The following LRRC27 variants were observed in gnomAD, a reference collection of about 807,000 sequenced individuals.
LRRC27 encodes leucine rich repeat containing 27.
In LRRC27, 57 loss-of-function variants were observed where a neutral mutation model predicts 55.0. The observed-to-expected ratio is 1.04, with a 90% CI of 0.84 to 1.29. The LOEUF is 1.29. Ranked by LOEUF, LRRC27 falls within the 50% of genes most tolerant of loss-of-function variation. The pLI, the probability that LRRC27 is intolerant of heterozygous loss-of-function variation, is 0.00. For missense variants in LRRC27, 721 were observed against 651.5 expected (o/e 1.11, Z -1.16); for synonymous variants, 278 against 251.9 (o/e 1.10, Z -0.98).
In LRRC27 at chr10:132,332,726, T is replaced by C. The variant is rs138737697; in HGVS notation, c.-49+470T>C. Reference sequence around the variant, plus strand: ...AACCCTGCTGGGTCCCGGTGTCGCCTCTACCCCCCAATTAACTGCGCCCCT... The same window carrying C: ...AACCCTGCTGGGTCCCGGTGTCGCCCCTACCCCCCAATTAACTGCGCCCCT... On this transcript the variant is annotated intron_variant, in intron 1 of 10. Transcript: ENST00000368614. Among the ~76,000 whole-genome samples the C allele has an allele frequency of 4.9e-3, 740 of 149,756 alleles. 6 individuals carry two copies. Among genetic ancestry groups the C allele is most frequent in the African/African-American group, 0.017 (712 of 40,944 alleles).
intron 9 of LRRC27, among the ~76,000 whole-genome samples, chr10:132,364,524 T>C (rs113341700): frequency 0.089 from 1,295 of 14,518 alleles, 91 homozygotes; most frequent in Middle Eastern, 0.19. Context: ...CACTCGCACT[T>C]ACACCCACAC....
chr10:132,341,265 G>A (rs1001258261), intron 3 of LRRC27, among the ~76,000 whole-genome samples: 2 of 151,500 alleles, frequency 1.3e-5, no homozygotes, highest in Non-Finnish European at 2.9e-5. Context: ...AGCTACCTGC[G>A]GGGACTGAGG....
chr10:132,351,673 A>C lies in LRRC27; in HGVS notation c.993A>C (p.Arg331=). The change falls in exon 7 of 11, where the codon CGA becomes CGC. Residue 331 remains arginine (R), a synonymous_variant. Coordinates refer to ENST00000368614, the MANE Select transcript of LRRC27 (RefSeq NM_030626.3). Reference sequence around the variant, plus strand: ...TGTCACCGTACCAAATGGCGATCCGAGCAAAAAGACTGGAAGAGAGCCGAG... The same window carrying C: ...TGTCACCGTACCAAATGGCGATCCGCGCAAAAAGACTGGAAGAGAGCCGAG... ...DLLSPYQMAI[R]AKRLEESRAA... is the part of the protein sequence containing the mutation. The C allele has an allele frequency of 6.2e-7, 1 of 1,614,014 alleles. No homozygotes were observed. The highest frequency in any genetic ancestry group is 8.5e-7 in the Non-Finnish European group (1 of 1,180,014).
chr10:132,352,517 G>GT (rs1170253699), intron 7 of LRRC27, among the ~76,000 whole-genome samples: 37 of 69,662 alleles, frequency 5.3e-4, no homozygotes, highest in South Asian at 1.4e-3. Context: ...GGCAGGCGCA[G>GT]GTGCAGCGCT....
intron 2 of LRRC27, chr10:132,337,303 C>T (rs1368563243): frequency 1.6e-6 from 2 of 1,279,088 alleles, no homozygotes; most frequent in Non-Finnish European, 2.0e-6. Context: ...CAGTGGTGTG[C>T]TGGGTCAGCA....
At chr10:132,359,945 T>C (rs2068531239) in intron 8 of LRRC27, among the ~76,000 whole-genome samples, 1 of 152,232 alleles carries the variant, frequency 6.6e-6, no homozygotes, top group Admixed American at 6.5e-5. Flanking sequence ...GGTTCTTTGC[T>C]TGCTCACTCA....
Position 132,337,567 on chromosome 10 carries a change from A to G in LRRC27, c.213A>G (p.Gln71=). The G allele has an allele frequency of 1.2e-6, 2 of 1,612,386 alleles. No homozygotes were observed. The highest frequency in any genetic ancestry group is 1.3e-5 in the African/African-American group (1 of 74,960). ...EEVFRIPSLQ[Q]LHLQRNALCV... is the part of the protein sequence containing the mutation. Reference sequence around the variant, plus strand: ...TCTGATTCTCTTTTCCATGGAAGCAATTGCATCTGCAAAGGAATGCCCTGT... The same window carrying G: ...TCTGATTCTCTTTTCCATGGAAGCAGTTGCATCTGCAAAGGAATGCCCTGT... Residue 71 remains glutamine (Q), a splice_region_variant and synonymous_variant, in exon 3 of 11, where the codon CAA becomes CAG. Transcript: ENST00000368614.
chr10:132,353,092 T>G, intron 7 of LRRC27: 6 of 1,509,410 alleles, frequency 4.0e-6, no homozygotes, highest in Non-Finnish European at 5.3e-6. Context: ...CCGGCTGGCA[T>G]GGACCACAGC....
Position 132,355,859 on chromosome 10 carries a change from C to A in LRRC27, c.1143C>A (p.Ser381Arg). 1 of 1,557,336 alleles carries A rather than the reference C, an allele frequency of 6.4e-7. No homozygotes were observed. Among genetic ancestry groups the A allele is most frequent in the Non-Finnish European group, 8.7e-7 (1 of 1,150,348 alleles). ...QRMRKRKEEL[S>R]KLLPPRRSMV... The stretch of plus-strand genomic sequence containing the variant: ...TGAGGAAGAGGAAGGAAGAGCTCAG[C>A]AAACTCCTGCCTCCGCGGAGGAGCA... The change falls in exon 8 of 11, where the codon AGC (serine) becomes AGA (arginine). Residue 381 changes from serine (S) to arginine (R), a missense_variant. By Grantham distance (110) the Ser-to-Arg change is moderately radical (BLOSUM62 -1). Coordinates refer to ENST00000368614, the MANE Select transcript of LRRC27 (RefSeq NM_030626.3).
At chr10:132,340,763 A>G (rs2067372759) in intron 3 of LRRC27, among the ~76,000 whole-genome samples, 1 of 151,782 alleles carries the variant, frequency 6.6e-6, no homozygotes. Context: ...CAGGAGTTCG[A>G]GACCAGCCTG....
Position 132,348,592 on chromosome 10 carries a change from G to A in LRRC27, c.926+236G>A, listed in dbSNP as rs1323356223. ...CTGAGTTTGCCAAGGTTGAGGATAC[G>A]CCCGGGGAAAAGAGACATAAGCGAC... On this transcript the variant is annotated intron_variant, in intron 6 of 10. Coordinates refer to ENST00000368614, the MANE Select transcript of LRRC27 (RefSeq NM_030626.3). The surrounding 1 kb of genome is among the most constrained non-coding windows in gnomAD (Gnocchi z 4.2). 1.3e-5 allele frequency among the ~76,000 whole-genome samples: 2 copies of A among 152,176 alleles called. No individual in the cohort carries two copies. Among genetic ancestry groups the A allele is most frequent in the Admixed American group, 6.5e-5 (1 of 15,280 alleles).
chr10:132,360,010 A>T (rs987252455), intron 8 of LRRC27, among the ~76,000 whole-genome samples: 29 of 152,212 alleles, frequency 1.9e-4, no homozygotes, highest in Non-Finnish European at 4.4e-5. Context: ...TGGGAGTAAA[A>T]TGTGGATGGG....
In LRRC27 at chr10:132,374,920, C is replaced by T. The variant is rs992572951; in HGVS notation, c.1417-146C>T. On this transcript the variant is annotated intron_variant, in intron 10 of 10. Coordinates refer to ENST00000368614, the MANE Select transcript of LRRC27 (RefSeq NM_030626.3). This position sits in a 1 kb window ranked among gnomAD's most constrained non-coding sequence, Gnocchi z 4.4. ...TTGCAGGGGGGACCGCGCCGTGATG[C>T]GGCTTGCAGGGGCCCCGGGGCAGCG... 3.2e-5 allele frequency: 26 copies of T among 805,268 alleles called. No homozygotes were observed. The highest frequency in any genetic ancestry group is 5.8e-5 in the Admixed American group (2 of 34,638). 49.9% of individuals were successfully genotyped at this position (805,268 alleles called of 1,614,324 possible). A position where few individuals can be genotyped will look rare whatever the true frequency, so the allele number is the denominator to read the frequency against.
intron 3 of LRRC27, among the ~76,000 whole-genome samples, chr10:132,338,449 G>A (rs913315007): frequency 1.3e-5 from 2 of 152,220 alleles, no homozygotes; most frequent in African/African-American, 4.8e-5. Context: ...AGCTCCAGGT[G>A]TCCTGTCCAT....
rs1184930656 is a variant in LRRC27, at chr10:132,342,322, T to C, written c.400+51T>C. 5 of 1,188,786 alleles carry C rather than the reference T, an allele frequency of 4.2e-6. No homozygotes were observed. In the Admixed American group the frequency reaches 8.0e-5, roughly 19 times the overall value. 73.6% of individuals were successfully genotyped at this position (1,188,786 alleles called of 1,614,324 possible). A position where few individuals can be genotyped will look rare whatever the true frequency, so the allele number is the denominator to read the frequency against. On this transcript the variant is annotated intron_variant, in intron 4 of 10. Coordinates refer to ENST00000368614, the MANE Select transcript of LRRC27 (RefSeq NM_030626.3). The stretch of plus-strand genomic sequence containing the variant: ...ATTTTAAAATGCTATCTTTTGAACT[T>C]GCCAGACCTTGTAATGGAAGTATCA...
At chr10:132,355,972 G>A (rs2068291862) in intron 8 of LRRC27, 86 bp downstream of exon 8, 2 of 933,180 alleles carry the variant, frequency 2.1e-6, no homozygotes, top group African/African-American at 1.7e-5. Flanking sequence ...CATGGAGGAT[G>A]AGCCGAGACC....
rs762577186 is a variant in LRRC27, at chr10:132,337,646, C to G, written c.292C>G (p.Leu98Val). The G allele has an allele frequency of 6.2e-7, 1 of 1,614,184 alleles. No homozygotes were observed. The highest frequency in any genetic ancestry group is 1.1e-5 in the South Asian group (1 of 91,084). The change falls in exon 3 of 11, where the codon CTC (leucine) becomes GTC (valine). Residue 98 changes from leucine (L) to valine (V), a missense_variant. Leu to Val is a conservative substitution (Grantham distance 32). Transcript: ENST00000368614. ...QLLPNLTWLD[L>V]RYNRIKALPS... ...GCTTCCGAACCTGACTTGGCTGGAC[C>G]TCCGGTACAATAGAATTAAAGCGCT...
chr10:132,368,758 A>G (rs568416187), intron 10 of LRRC27, among the ~76,000 whole-genome samples: 1 of 152,374 alleles, frequency 6.6e-6, no homozygotes, highest in East Asian at 1.9e-4. Flanking sequence ...ATGTTTAAAT[A>G]CAACACCAAA....
At chr10:132,361,629 G>A (rs940640639) in intron 9 of LRRC27, 54 bp downstream of exon 9, 27 of 1,272,114 alleles carry the variant, frequency 2.1e-5, no homozygotes, top group South Asian at 1.2e-4. Context: ...AGCCACCCAC[G>A]GGCAGGTGCT....
Sources: gnomAD v4.1 joint callset for allele counts (sites outside exome capture counted in the v4.1 genomes callset) on GRCh38, gnomAD v4.1.1 for gene constraint, Gnocchi (gnomAD v3.1) non-coding constraint, MANE v1.5 for transcripts, NCBI Gene and HGNC (gene_info 2026-07-23, HGNC 2026-07-21) for gene names.